Variants in LAMB1 observed in about 807,000 individuals in gnomAD.
The protein encoded by LAMB1 is laminin subunit beta-1.
A neutral mutation model predicts 222.3 loss-of-function variants in LAMB1; 121 were observed. The ratio of observed to expected loss-of-function variants is 0.54; its 90% CI spans 0.47 to 0.63. The LOEUF is 0.63. Among genes scored for constraint, LAMB1 ranks in the 30% least tolerant of loss-of-function variants. The pLI, the probability that LAMB1 is intolerant of heterozygous loss-of-function variation, is 0.00. For missense variants in LAMB1, 2,172 were observed against 2,240.8 expected (o/e 0.97, Z 0.62); for synonymous variants, 794 against 807.2 (o/e 0.98, Z 0.28).
At chr7:107,930,936 A>C (rs2032694024) in intron 29 of LAMB1, among the ~76,000 whole-genome samples, 1 of 152,202 alleles carries the variant, frequency 6.6e-6, no homozygotes, top group Admixed American at 6.5e-5. Context: ...AACCATCTTT[A>C]CTGGTAACAC....
At chr7:107,962,543 G>C (rs973832888) in intron 15 of LAMB1, among the ~76,000 whole-genome samples, 2 of 151,920 alleles carry the variant, frequency 1.3e-5, no homozygotes, top group African/African-American at 4.8e-5. Flanking sequence ...GCGAAACCCC[G>C]TCTCTATTAA....
In LAMB1 at chr7:107,963,639, C is replaced by T. The variant is rs79559310; in HGVS notation, c.1699-576G>A. Among the ~76,000 whole-genome samples, 1,313 of 152,288 alleles carry T rather than the reference C, an allele frequency of 8.6e-3. 17 individuals carry two copies. The highest frequency in any genetic ancestry group is 0.028 in the African/African-American group (1,174 of 41,562). On this transcript the variant is annotated intron_variant, in intron 14 of 33. Coordinates refer to ENST00000222399, the MANE Select transcript of LAMB1 (RefSeq NM_002291.3). ...TTCCCTGTATGTATCTGTATGTACC[C>T]GTGTGTGGCCTTACCCATCAAGAGG...
At chr7:107,952,580 C>T (rs561252783) in intron 22 of LAMB1, among the ~76,000 whole-genome samples, 2 of 152,338 alleles carry the variant, frequency 1.3e-5, no homozygotes, top group African/African-American at 4.8e-5. Context: ...TAATTTCAAA[C>T]TCTTGGCAGA....
intron 24 of LAMB1, among the ~76,000 whole-genome samples, chr7:107,948,418 G>C (rs939027807): frequency 1.3e-5 from 2 of 152,184 alleles, no homozygotes; most frequent in Non-Finnish European, 2.9e-5. Context: ...AGGTTGGAGA[G>C]ATGACAATGT....
chr7:107,986,617 C>A (rs551522939), intron 5 of LAMB1, among the ~76,000 whole-genome samples: 1 of 152,146 alleles, frequency 6.6e-6, no homozygotes, highest in Middle Eastern at 3.2e-3. Flanking sequence ...TCTTTAGAAG[C>A]TGATTATAAA....
chr7:107,951,392 A>G (rs2116393742), intron 23 of LAMB1, 70 bp from the exon 24 acceptor site: 2 of 1,379,168 alleles, frequency 1.5e-6, no homozygotes, highest in South Asian at 1.2e-5. Context: ...TTTTTTTTCT[A>G]GCTGCCACTT....
intron 26 of LAMB1, 95 bp from the exon 27 acceptor site, chr7:107,935,751 T>C: frequency 7.5e-7 from 1 of 1,341,106 alleles, no homozygotes; most frequent in Non-Finnish European, 1.0e-6. Flanking sequence ...GGTCCTAAAT[T>C]TACTGTAAAG....
At chr7:107,928,462 T>C (rs542311456) in intron 31 of LAMB1, among the ~76,000 whole-genome samples, 4 of 152,084 alleles carry the variant, frequency 2.6e-5, no homozygotes, top group African/African-American at 7.2e-5. Context: ...TTCATACTAC[T>C]GAACAGAGTA....
At position 107,962,983 on chromosome 7, in the gene LAMB1, T is replaced by G; in HGVS notation, c.1779A>C (p.Glu593Asp). Reference protein sequence around the residue: ...WTGAGFVRVPEGAYLEFFIDN... With the variant: ...WTGAGFVRVPDGAYLEFFIDN... Reference sequence around the variant, plus strand: ...CAATGAAAAACTCCAAATAAGCCCCTTCAGGCACTCGGACGAAGCCGGCTC... The same window carrying G: ...CAATGAAAAACTCCAAATAAGCCCCGTCAGGCACTCGGACGAAGCCGGCTC... The change falls in exon 15 of 34, where the codon GAA becomes GAC. Residue 593 changes from glutamate (E) to aspartate (D), a missense_variant. Transcript: ENST00000222399. The G allele has an allele frequency of 1.2e-6, 2 of 1,614,030 alleles. No homozygotes were observed. Among genetic ancestry groups the G allele is most frequent in the Non-Finnish European group, 1.7e-6 (2 of 1,179,940 alleles).
At chr7:107,990,369 A>G (rs967678521) in intron 5 of LAMB1, among the ~76,000 whole-genome samples, 17 of 152,120 alleles carry the variant, frequency 1.1e-4, no homozygotes, top group African/African-American at 3.9e-4. Context: ...ACATCTAGTA[A>G]TATAGAAAAA....
rs2150439035 is a variant in LAMB1, at chr7:107,975,696, G to A, written c.1182C>T (p.Phe394=). The A allele has an allele frequency of 4.3e-6, 7 of 1,610,740 alleles. No homozygotes were observed. Among genetic ancestry groups the A allele is most frequent in the Non-Finnish European group, 5.9e-6 (7 of 1,177,946 alleles). ...HPERDIRDPN[F]CERCTCDPAG... The stretch of plus-strand genomic sequence containing the variant: ...TGACATTTCTCAACATACGTTCACA[G>A]AAATTAGGATCTCGGATGTCCCTCT... The change falls in exon 10 of 34, where the codon TTC becomes TTT. Residue 394 remains phenylalanine (F), a synonymous_variant. Transcript: ENST00000222399.
At chr7:107,997,670 C>G (rs1426460148) in intron 4 of LAMB1, among the ~76,000 whole-genome samples, 1 of 152,176 alleles carries the variant, frequency 6.6e-6, no homozygotes, top group Non-Finnish European at 1.5e-5. Flanking sequence ...AACACAATAA[C>G]TCTACCTTTA....
chr7:107,980,940 T>C, intron 7 of LAMB1, 129 bp from the exon 8 acceptor site: 1 of 609,714 alleles, frequency 1.6e-6, no homozygotes, highest in Non-Finnish European at 2.9e-6. Context: ...TCCTCTTGTA[T>C]GATCTAGATG....
chr7:107,984,098 T>C (rs1176301677), intron 7 of LAMB1, among the ~76,000 whole-genome samples: 2 of 152,190 alleles, frequency 1.3e-5, no homozygotes, highest in Admixed American at 6.5e-5. Flanking sequence ...TTTCTTCCCT[T>C]GTTCCTTTGA....
chr7:107,940,075 C>G lies in LAMB1; in HGVS notation c.3675G>C (p.Arg1225Ser). 6.2e-7 allele frequency: 1 copy of G among 1,614,148 alleles called. No homozygotes were observed. Among genetic ancestry groups the G allele is most frequent in the Non-Finnish European group, 8.5e-7 (1 of 1,180,038 alleles). The change falls in exon 25 of 34, where the codon AGG becomes AGC. Residue 1225 changes from arginine to serine, a missense_variant. Physicochemically the swap from Arg to Ser is moderately radical, Grantham distance 110. Transcript: ENST00000222399. Reference sequence around the variant, plus strand: ...GGATGTCTTTTATCTCGCTGACTTTCCTCTCCACCGAGTCCACAGTCTCAC... The same window carrying G: ...GGATGTCTTTTATCTCGCTGACTTTGCTCTCCACCGAGTCCACAGTCTCAC... ...PYRETVDSVE[R>S]KVSEIKDILA...
intron 13 of LAMB1, among the ~76,000 whole-genome samples, chr7:107,972,600 GA>G (rs988463227): frequency 2.7e-5 from 4 of 147,398 alleles, no homozygotes; most frequent in South Asian, 2.2e-4. Context: ...AAAAAAAAAA[GA>G]AAAAAAGAAA....
Position 107,980,620 on chromosome 7 carries a change from C to T in LAMB1, c.868G>A (p.Val290Met). The change falls in exon 8 of 34, where the codon GTG (valine) becomes ATG (methionine). Residue 290 changes from valine to methionine, a missense_variant. Transcript: ENST00000222399. ...GAGGGCTTACTTACCATTCCTTCCA[C>T]TTCTTCATTGAATCCATCCACAGGG... ...CAPVDGFNEE[V>M]EGMVHGHCMC... The T allele has an allele frequency of 2.5e-6, 4 of 1,613,882 alleles. No individual in the cohort carries two copies. The highest frequency in any genetic ancestry group is 2.5e-6 in the Non-Finnish European group (3 of 1,179,878).
At chr7:107,958,801 T>C (rs2033431219) in intron 20 of LAMB1, among the ~76,000 whole-genome samples, 1 of 152,214 alleles carries the variant, frequency 6.6e-6, no homozygotes, top group Non-Finnish European at 1.5e-5. Context: ...CTTAGGCATG[T>C]TTTATAGAGT....
At chr7:107,951,042 T>C (rs2033234944) in intron 24 of LAMB1, 184 bp downstream of exon 24, 2 of 567,550 alleles carry the variant, frequency 3.5e-6, no homozygotes, top group Non-Finnish European at 6.4e-6. Context: ...CCTATACTTA[T>C]GGGCAGGGCT....
Sources: gnomAD v4.1 joint callset for allele counts (sites outside exome capture counted in the v4.1 genomes callset) on GRCh38, gnomAD v4.1.1 for gene constraint, MANE v1.5 for transcripts, NCBI Gene and HGNC (gene_info 2026-07-23, HGNC 2026-07-21) for gene names.